The following SEMA5A variants were observed in gnomAD, a reference collection of about 807,000 sequenced individuals.
SEMA5A encodes semaphorin 5A, also known as semaphorin-5A.
In SEMA5A, 55 loss-of-function variants were observed where a neutral mutation model predicts 135.5. That is an observed-to-expected ratio of 0.41 (90% CI 0.33 to 0.51). SEMA5A has a LOEUF of 0.51. SEMA5A is among the 20% of genes least tolerant of loss of function. The pLI, the probability that SEMA5A is intolerant of heterozygous loss-of-function variation, is 0.37. For missense variants in SEMA5A, 1,290 were observed against 1,419.9 expected (o/e 0.91, Z 1.47); for synonymous variants, 580 against 546.5 (o/e 1.06, Z -0.85).
At chr5:9,144,196 C>T (rs957250025) in intron 12 of SEMA5A, among the ~76,000 whole-genome samples, 5 of 152,206 alleles carry the variant, frequency 3.3e-5, no homozygotes, top group Non-Finnish European at 5.9e-5. Flanking sequence ...CCAGTGTCCT[C>T]TCCTCTTGGC....
intron 1 of SEMA5A, among the ~76,000 whole-genome samples, chr5:9,441,995 CACAAG>C (rs1758255417): frequency 6.6e-6 from 1 of 152,142 alleles, no homozygotes; most frequent in Admixed American, 6.5e-5. Context: ...GCAGAGGATG[CACAAG>C]ACAAGAAGGG....
At chr5:9,526,196 G>T (rs1737113899) in intron 1 of SEMA5A, among the ~76,000 whole-genome samples, 1 of 152,136 alleles carries the variant, frequency 6.6e-6, no homozygotes, top group Admixed American at 6.5e-5. Context: ...AATATTGAAA[G>T]GTAGAGAAGA....
chr5:9,351,725 T>C (rs376865020), intron 3 of SEMA5A, among the ~76,000 whole-genome samples: 3 of 152,192 alleles, frequency 2.0e-5, no homozygotes, highest in Non-Finnish European at 2.9e-5. Context: ...CCCCAGTTCA[T>C]TGTGAAATAC....
rs530215125 is a variant in SEMA5A at position 9,050,044 on chromosome 5, T to C, written c.2893+366A>G. Among the ~76,000 whole-genome samples the C allele has an allele frequency of 1.2e-4, 19 of 152,294 alleles. No homozygotes were observed. The South Asian group carries it at 3.7e-3, about 30-fold the overall frequency. On this transcript the variant is annotated intron_variant, in intron 21 of 22. Coordinates refer to ENST00000382496, the MANE Select transcript of SEMA5A (RefSeq NM_003966.3). Reference sequence around the variant, plus strand: ...TAACTATAGTGAATACCGAGACCACTGGTTCATAAAGCTTAGAACCCATAA... The same window carrying C: ...TAACTATAGTGAATACCGAGACCACCGGTTCATAAAGCTTAGAACCCATAA...
rs531924950 is a variant in SEMA5A at position 9,221,574 on chromosome 5, T to C, written c.646+3100A>G. Among the ~76,000 whole-genome samples the C allele has an allele frequency of 5.9e-5, 9 of 152,198 alleles. No homozygotes were observed. The South Asian group carries it at 1.0e-3, about 18-fold the overall frequency. On this transcript the variant is annotated intron_variant, in intron 8 of 22. Coordinates refer to ENST00000382496, the MANE Select transcript of SEMA5A (RefSeq NM_003966.3). ...GCCTCGGCCTCCCAAAGTGCTGGGA[T>C]TACAGGCGTGAGCCACCGCGCCTGG...
chr5:9,284,396 C>T (rs1385126297), intron 5 of SEMA5A, among the ~76,000 whole-genome samples: 1 of 152,190 alleles, frequency 6.6e-6, no homozygotes, highest in African/African-American at 2.4e-5. Context: ...ATAATGTAAA[C>T]TCAAACTCAG....
chr5:9,477,273 T>C (rs1336119514), intron 1 of SEMA5A, among the ~76,000 whole-genome samples: 1 of 152,228 alleles, frequency 6.6e-6, no homozygotes, highest in Non-Finnish European at 1.5e-5. Context: ...GATAGTTCTT[T>C]ATAGCAGTGA....
chr5:9,180,590 TTGAG>T (rs930103724), intron 11 of SEMA5A, among the ~76,000 whole-genome samples: 5 of 152,152 alleles, frequency 3.3e-5, no homozygotes, highest in African/African-American at 1.2e-4. Context: ...CTTAGAAACA[TTGAG>T]TGAGATAATT....
intron 1 of SEMA5A, among the ~76,000 whole-genome samples, chr5:9,482,055 C>T (rs576956235): frequency 1.3e-5 from 2 of 152,224 alleles, no homozygotes; most frequent in South Asian, 4.2e-4. Flanking sequence ...TTTCACTGAC[C>T]CAAAAATTAC....
At chr5:9,233,223 CT>C (rs1394192438) in intron 6 of SEMA5A, among the ~76,000 whole-genome samples, 1 of 152,160 alleles carries the variant, frequency 6.6e-6, no homozygotes, top group Non-Finnish European at 1.5e-5. Context: ...GCTGTGTTTC[CT>C]TTGTAAAGTT....
intron 10 of SEMA5A, among the ~76,000 whole-genome samples, chr5:9,192,754 C>T (rs1806126): frequency 0.15 from 22,435 of 152,188 alleles, 1,892 homozygotes; most frequent in Admixed American, 0.26. Flanking sequence ...CATGATGTTA[C>T]GTGTGGTGGT....
intron 12 of SEMA5A, among the ~76,000 whole-genome samples, chr5:9,154,093 A>ATATATATATATATGTGTGTGTGTG (rs372321939): frequency 1.5e-3 from 107 of 73,338 alleles, no homozygotes; most frequent in Non-Finnish European, 2.0e-3. Context: ...ATATATATAT[A>ATATATATATATATGTGTGTGTGTG]TGTGTGTGTG....
intron 12 of SEMA5A, among the ~76,000 whole-genome samples, chr5:9,143,789 A>C (rs1742186562): frequency 6.6e-6 from 1 of 152,204 alleles, no homozygotes; most frequent in Non-Finnish European, 1.5e-5. Flanking sequence ...TTAAGCACTG[A>C]ATCCTGAGCT....
chr5:9,131,854 G>T (rs1456991044), intron 13 of SEMA5A, among the ~76,000 whole-genome samples: 1 of 151,918 alleles, frequency 6.6e-6, no homozygotes, highest in East Asian at 1.9e-4. Flanking sequence ...TTGGAATAGG[G>T]ACTCATTACA....
At chr5:9,438,454 C>A (rs3798014) in intron 1 of SEMA5A, among the ~76,000 whole-genome samples, 74,529 of 152,140 alleles carry the variant, frequency 0.49, 19,751 homozygotes, top group Middle Eastern at 0.69. Flanking sequence ...CATTCAATTT[C>A]ATATACAAAA....
chr5:9,482,121 T>A (rs1759900508), intron 1 of SEMA5A, among the ~76,000 whole-genome samples: 1 of 152,184 alleles, frequency 6.6e-6, no homozygotes, highest in African/African-American at 2.4e-5. Context: ...GCAGTTGTGC[T>A]CACCAAGTCC....
intron 2 of SEMA5A, among the ~76,000 whole-genome samples, chr5:9,397,919 C>T (rs1439065179): frequency 6.6e-6 from 1 of 152,142 alleles, no homozygotes; most frequent in East Asian, 1.9e-4. Flanking sequence ...CTCAAATCAC[C>T]ATCCAAACAG....
Position 9,224,668 on chromosome 5 carries a change from G to T in SEMA5A, c.646+6C>A. ...GGTGAGAAAGAGGGAGTGACGGAAG[G>T]CTTACCATTGAGCCATTTGGAGTTG... On this transcript the variant is annotated splice_donor_region_variant and intron_variant, in intron 8 of 22. Transcript: ENST00000382496. 1.2e-6 allele frequency: 2 copies of T among 1,613,808 alleles called. No homozygotes were observed. The highest frequency in any genetic ancestry group is 1.7e-6 in the Non-Finnish European group (2 of 1,179,696).
At chr5:9,169,790 G>C (rs190312181) in intron 11 of SEMA5A, among the ~76,000 whole-genome samples, 24 of 152,152 alleles carry the variant, frequency 1.6e-4, no homozygotes, top group Non-Finnish European at 3.1e-4. Flanking sequence ...AAATGACACT[G>C]CCCTCATGAT....
Sources: allele counts gnomAD v4.1 joint callset (sites outside exome capture counted in the v4.1 genomes callset), GRCh38; gene constraint gnomAD v4.1.1; transcripts MANE v1.5; gene names NCBI Gene and HGNC (gene_info 2026-07-23, HGNC 2026-07-21).